The following BLK variants were observed in gnomAD, a reference collection of about 807,000 sequenced individuals.
BLK encodes the protein BLK proto-oncogene, Src family tyrosine kinase.
Under a neutral mutation model 61.8 loss-of-function variants are expected in BLK, and 64 were observed. That is an observed-to-expected ratio of 1.03 (90% CI 0.85 to 1.27). The LOEUF (loss-of-function observed/expected upper bound fraction) is 1.27. BLK is among the 50% of genes most tolerant of loss of function. The pLI, the probability that BLK is intolerant of heterozygous loss-of-function variation, is 0.00. For synonymous variants in BLK, 351 were observed against 272.0 expected (o/e 1.29, Z -2.86); for missense variants, 853 against 660.5 (o/e 1.29, Z -3.19).
intron 10 of BLK, chr8:11,558,442 C>G: frequency 2.8e-6 from 1 of 361,682 alleles, no homozygotes; most frequent in South Asian, 2.1e-5. Context: ...ACAAACATCT[C>G]CTGTAGGACT....
rs1184058871 is a variant in BLK, at chr8:11,547,291, G to A, written c.176-741G>A. ...CCTGCTGAGAAGAGGTGACCAGCCC[G>A]AGGTCACAACACTCAGCTCAGTGAC... On this transcript the variant is annotated intron_variant, in intron 3 of 12. Transcript: ENST00000259089. Among the ~76,000 whole-genome samples, 17 of 152,350 alleles carry A rather than the reference G, an allele frequency of 1.1e-4. No individual in the cohort carries two copies. In the East Asian group the frequency reaches 1.7e-3, roughly 16 times the overall value.
intron 1 of BLK, among the ~76,000 whole-genome samples, chr8:11,525,358 T>G (rs905060240): frequency 3.3e-5 from 5 of 152,240 alleles, no homozygotes; most frequent in African/African-American, 1.2e-4. Context: ...CCCAGAAGTC[T>G]CACTGTTAGT....
intron 1 of BLK, among the ~76,000 whole-genome samples, chr8:11,498,547 T>C (rs965855840): frequency 6.6e-6 from 1 of 152,204 alleles, no homozygotes; most frequent in Admixed American, 6.5e-5. Context: ...GGAAAGGACT[T>C]GGACATAGAA....
chr8:11,540,083 G>A (rs898881541), intron 1 of BLK, among the ~76,000 whole-genome samples: 28 of 151,852 alleles, frequency 1.8e-4, no homozygotes, highest in African/African-American at 6.8e-4. Flanking sequence ...TCGCTTCTGG[G>A]TATTTTATCT....
intron 1 of BLK, among the ~76,000 whole-genome samples, chr8:11,539,967 G>T (rs1448256129): frequency 1.3e-5 from 2 of 152,102 alleles, no homozygotes; most frequent in Non-Finnish European, 2.9e-5. Flanking sequence ...CTGATGCTTT[G>T]CAATCTCTTA....
chr8:11,550,321 AG>A lies in BLK; in HGVS notation c.472+60del, dbSNP rs1800845293. 2.0e-6 allele frequency: 3 copies of A among 1,528,754 alleles called. No individual in the cohort carries two copies. The South Asian group carries it at 3.4e-5, about 17-fold the overall frequency. The allele number at this position is 1,528,754 out of a possible 1,614,324, so 94.7% of individuals were successfully genotyped here. ...CTGCTCCTCCCGGGAAGGCGCCTCC[AG>A]AGGCCTGGCCCTGGAGTGAGAGGGG... On this transcript the variant is annotated intron_variant, in intron 6 of 12. Transcript: ENST00000259089.
At chr8:11,524,910 C>T (rs557301243) in intron 1 of BLK, among the ~76,000 whole-genome samples, 2,848 of 123,110 alleles carry the variant, frequency 0.023, 89 homozygotes, top group African/African-American at 0.079. Context: ...TCCCATTTTG[C>T]TTTTTTACAA....
intron 1 of BLK, among the ~76,000 whole-genome samples, chr8:11,500,139 A>C (rs548180933): frequency 1.1e-4 from 17 of 152,344 alleles, no homozygotes; most frequent in African/African-American, 4.1e-4. Flanking sequence ...TTACAGTTAT[A>C]GAAATAGCTT....
chr8:11,504,321 T>C, intron 1 of BLK, among the ~76,000 whole-genome samples: 1 of 128,900 alleles, frequency 7.8e-6, no homozygotes, highest in Non-Finnish European at 1.6e-5. Flanking sequence ...AGATTCCATC[T>C]CAAAATAAAG....
intron 1 of BLK, among the ~76,000 whole-genome samples, chr8:11,514,730 A>AACT (rs754103157): frequency 6.6e-6 from 1 of 152,220 alleles, no homozygotes; most frequent in Non-Finnish European, 1.5e-5. Context: ...GCAGCAGGGC[A>AACT]ACTACAGGCT....
intron 1 of BLK, among the ~76,000 whole-genome samples, chr8:11,530,371 A>C (rs1799836593): frequency 6.6e-6 from 1 of 152,196 alleles, no homozygotes; most frequent in African/African-American, 2.4e-5. Context: ...TGTACAGGAC[A>C]AGGTAGGAGG....
rs556737287 is a variant in BLK at position 11,516,728 on chromosome 8, C to G, written c.-2+22137C>G. Reference sequence around the variant, plus strand: ...CCAATTTCACTTAGCACAATGCCTTCAAGGCTCACCCATGTTGTAGCATGT... The same window carrying G: ...CCAATTTCACTTAGCACAATGCCTTGAAGGCTCACCCATGTTGTAGCATGT... On this transcript the variant is annotated intron_variant, in intron 1 of 12. Transcript: ENST00000259089. Among the ~76,000 whole-genome samples the G allele has an allele frequency of 1.4e-4, 21 of 152,304 alleles. No homozygotes were observed. The South Asian group carries it at 4.3e-3, about 32-fold the overall frequency.
chr8:11,537,208 G>A (rs1394914967), intron 1 of BLK, among the ~76,000 whole-genome samples: 1 of 152,162 alleles, frequency 6.6e-6, no homozygotes, highest in African/African-American at 2.4e-5. Flanking sequence ...CAGAGCCATA[G>A]GCCAATCACC....
Position 11,558,140 on chromosome 8 carries a change from AGTCAGGGGG to A in BLK, c.1029+103_1029+111del, listed in dbSNP as rs1048329765. ...CCCCATCCTCTCAGCCAGCAGGAGA[AGTCAGGGGG>A]TACTGAAGGCCACCTTCCTCTAGGC... On this transcript the variant is annotated intron_variant, in intron 10 of 12. Coordinates refer to ENST00000259089, the MANE Select transcript of BLK (RefSeq NM_001715.3). The A allele has an allele frequency of 8.2e-6, 10 of 1,213,152 alleles. No individual in the cohort carries two copies. The African/African-American group carries it at 1.0e-4, about 13-fold the overall frequency. 75.1% of individuals were successfully genotyped at this position (1,213,152 alleles called of 1,614,324 possible).
intron 1 of BLK, among the ~76,000 whole-genome samples, chr8:11,522,965 G>A (rs1799513658): frequency 6.6e-6 from 1 of 152,032 alleles, no homozygotes; most frequent in East Asian, 1.9e-4. Context: ...TTCATATCTG[G>A]AACATAAAAA....
chr8:11,508,344 A>G (rs546868096), intron 1 of BLK, among the ~76,000 whole-genome samples: 1 of 152,248 alleles, frequency 6.6e-6, no homozygotes, highest in Non-Finnish European at 1.5e-5. Context: ...CTGTGCTCAC[A>G]TGGGGCGCGT....
At chr8:11,556,289 G>A in intron 8 of BLK, 1 of 344,064 alleles carries the variant, frequency 2.9e-6, no homozygotes, top group South Asian at 2.5e-5. Context: ...CCTGCCCAGT[G>A]TACCCCAGGC....
At chr8:11,510,394 C>T (rs1217641469) in intron 1 of BLK, among the ~76,000 whole-genome samples, 2 of 152,094 alleles carry the variant, frequency 1.3e-5, no homozygotes, top group Non-Finnish European at 2.9e-5. Context: ...AGGAAACAAA[C>T]CCCAAGGCTT....
chr8:11,556,463 T>A (rs1801228794), intron 8 of BLK, 195 bp from the exon 9 acceptor site: 1 of 668,158 alleles, frequency 1.5e-6, no homozygotes, highest in Non-Finnish European at 2.6e-6. Context: ...ATTCCTCCAC[T>A]GCCTGAGGCC....
Sources: gnomAD v4.1 joint callset for allele counts (sites outside exome capture counted in the v4.1 genomes callset) on GRCh38, gnomAD v4.1.1 for gene constraint, MANE v1.5 for transcripts, NCBI Gene and HGNC (gene_info 2026-07-23, HGNC 2026-07-21) for gene names.